The following LETM1 variants were observed in gnomAD, a reference collection of about 807,000 sequenced individuals.
LETM1 encodes the protein mitochondrial proton/calcium exchanger protein.
LETM1 carries 50 observed loss-of-function variants against 74.5 expected under a neutral mutation model. That is an observed-to-expected ratio of 0.67 (90% CI 0.53 to 0.85). The LOEUF is 0.85. Ranked by LOEUF, LETM1 falls within the 40% of genes least tolerant of loss-of-function variation. The pLI is 0.00. For missense variants in LETM1, 824 were observed against 967.8 expected (o/e 0.85, Z 1.97); for synonymous variants, 446 against 407.1 (o/e 1.10, Z -1.15).
rs535970886 is a variant in LETM1, at chr4:1,816,796, C to T, written c.1862G>A (p.Gly621Asp). ...RVQQMIGQIDGLISQLEMDQQ... is the reference protein window; with the variant it reads ...RVQQMIGQIDDLISQLEMDQQ... ...GTCCATCTCCAGCTGCGAGATCAAG[C>T]CATCGATCTGCCCGATCATTTGCTG... The change falls in exon 12 of 14, where the codon GGC becomes GAC. Residue 621 changes from glycine to aspartate, a missense_variant. Around this residue, in one of 4 missense-constraint regions of LETM1, gnomAD observed 161 missense variants for 252.7 expected, o/e 0.64. Coordinates refer to ENST00000302787, the MANE Select transcript of LETM1 (RefSeq NM_012318.3). 2 of 1,614,250 alleles carry T rather than the reference C, an allele frequency of 1.2e-6. No individual in the cohort carries two copies. The highest frequency in any genetic ancestry group is 1.1e-5 in the South Asian group (1 of 91,088).
intron 5 of LETM1, 117 bp from the exon 6 acceptor site, chr4:1,833,064 C>A (rs1202676447): frequency 3.7e-6 from 3 of 813,056 alleles, no homozygotes; most frequent in Non-Finnish European, 4.0e-6. Context: ...AAACCACTGA[C>A]TACTTCTTCT....
chr4:1,840,770 C>T (rs995664021), intron 3 of LETM1, among the ~76,000 whole-genome samples: 2 of 151,644 alleles, frequency 1.3e-5, no homozygotes, highest in African/African-American at 2.4e-5. Context: ...TCAGAAGTTC[C>T]GAGAGGCCTG....
At chr4:1,852,200 G>T (rs1044047666) in intron 1 of LETM1, among the ~76,000 whole-genome samples, 4 of 152,210 alleles carry the variant, frequency 2.6e-5, no homozygotes, top group African/African-American at 7.2e-5. Context: ...AACTTCAGCT[G>T]ACCACACATT....
intron 2 of LETM1, among the ~76,000 whole-genome samples, chr4:1,847,626 C>T (rs1453674263): frequency 3.3e-5 from 5 of 151,872 alleles, no homozygotes; most frequent in Non-Finnish European, 5.9e-5. Flanking sequence ...TTGAGATGAG[C>T]CTGGCTAATG....
intron 2 of LETM1, among the ~76,000 whole-genome samples, chr4:1,842,605 C>T (rs1193676675): frequency 1.3e-5 from 2 of 152,246 alleles, no homozygotes; most frequent in East Asian, 3.9e-4. Flanking sequence ...TTTGCTTTCT[C>T]CCAACTGGAA....
In LETM1 at chr4:1,812,732, C is replaced by G. The variant is rs1438556538; in HGVS notation, c.*1692G>C. 2 of 152,366 alleles carry G rather than the reference C, an allele frequency of 1.3e-5. No homozygotes were observed. The highest frequency in any genetic ancestry group is 4.8e-5 in the African/African-American group (2 of 41,436). The allele number at this position is 152,366 out of a possible 1,614,324, so 9.4% of individuals were successfully genotyped here. On this transcript the variant is annotated 3_prime_UTR_variant, in exon 14 of 14. Coordinates refer to ENST00000302787, the MANE Select transcript of LETM1 (RefSeq NM_012318.3). ...GCACGGCTGATGTCACGGAAGCCACCAAAGGCACCCACCAGAGCCTTCCCC... is the reference window on the plus strand; with the variant it reads ...GCACGGCTGATGTCACGGAAGCCACGAAAGGCACCCACCAGAGCCTTCCCC...
chr4:1,820,059 C>T (rs1270148910), intron 10 of LETM1, among the ~76,000 whole-genome samples: 1 of 152,176 alleles, frequency 6.6e-6, no homozygotes, highest in Non-Finnish European at 1.5e-5. Context: ...GCCTCAGCCT[C>T]CCCAGGAGCT....
intron 2 of LETM1, among the ~76,000 whole-genome samples, chr4:1,847,194 T>C (rs2108855264): frequency 6.6e-6 from 1 of 151,816 alleles, no homozygotes; most frequent in East Asian, 1.9e-4. Context: ...GAAAAAAATT[T>C]AGCAAGGCAT....
intron 13 of LETM1, 125 bp downstream of exon 13, chr4:1,815,539 C>T (rs1047803750): frequency 1.1e-5 from 11 of 1,015,568 alleles, no homozygotes; most frequent in Non-Finnish European, 1.6e-5. Flanking sequence ...AGTGACAGAC[C>T]CAAACCCCTG....
In LETM1 at chr4:1,834,065, C is replaced by T. The variant is rs1033948111; in HGVS notation, c.876+780G>A. 6.6e-6 allele frequency: 1 copy of T among 152,354 alleles called. No homozygotes were observed. Among genetic ancestry groups the T allele is most frequent in the African/African-American group, 2.4e-5 (1 of 41,478 alleles). The allele number at this position is 152,354 out of a possible 1,614,324, so 9.4% of individuals were successfully genotyped here. ...GGCTGTGTCGCCTCCTCCCGAGAGG[C>T]TTCTCCGTGGTTAGGCCTCAGCCTG... On this transcript the variant is annotated intron_variant, in intron 5 of 13. Transcript: ENST00000302787. This position sits in a 1 kb window ranked among gnomAD's most constrained non-coding sequence, Gnocchi z 5.0.
In LETM1 at chr4:1,834,364, CCTCA is replaced by C. The variant is rs1364126034; in HGVS notation, c.876+477_876+480del. ...GGCAGCTGCCGTCTCCCCATCCTCA[CCTCA>C]CTCACCACATGACCGCAGGAAACCT... is the stretch of plus-strand genomic sequence containing the variant. On this transcript the variant is annotated intron_variant, in intron 5 of 13. Transcript: ENST00000302787. This position sits in a 1 kb window ranked among gnomAD's most constrained non-coding sequence, Gnocchi z 5.0. 1 of 988,372 alleles carries C rather than the reference CCTCA, an allele frequency of 1.0e-6. No individual in the cohort carries two copies. The allele number at this position is 988,372 out of a possible 1,614,324, so 61.2% of individuals were successfully genotyped here.
intron 6 of LETM1, among the ~76,000 whole-genome samples, chr4:1,832,080 C>T (rs911362739): frequency 4.6e-5 from 7 of 152,110 alleles, no homozygotes; most frequent in African/African-American, 9.7e-5. Context: ...GTGGGCAGAT[C>T]GCTTGAGGTC....
Position 1,813,773 on chromosome 4 carries a change from T to C in LETM1, c.*651A>G, listed in dbSNP as rs993237478. 1 of 152,514 alleles carries C rather than the reference T, an allele frequency of 6.6e-6. No individual in the cohort carries two copies. Among genetic ancestry groups the C allele is most frequent in the Non-Finnish European group, 1.5e-5 (1 of 68,528 alleles). 9.4% of individuals were successfully genotyped at this position (152,514 alleles called of 1,614,324 possible). On this transcript the variant is annotated 3_prime_UTR_variant, in exon 14 of 14. Transcript: ENST00000302787. ...TGACTGCTTAAAGAACTGGGGGAAA[T>C]AGAAAGCCGAGAAAGAGCTCCGATA...
chr4:1,827,721 TCAATC>T (rs1712048266), intron 6 of LETM1, among the ~76,000 whole-genome samples: 1 of 146,020 alleles, frequency 6.8e-6, no homozygotes, highest in South Asian at 2.2e-4. Context: ...ATCCGATTTC[TCAATC>T]TTTTCCCCAC....
chr4:1,823,187 G>A (rs747459431), intron 8 of LETM1, 56 bp from the exon 9 acceptor site: 60 of 1,523,718 alleles, frequency 3.9e-5, no homozygotes, highest in Admixed American at 1.2e-4. Flanking sequence ...GGCCCCTGCT[G>A]CCCCTCACCT....
chr4:1,820,284 G>T (rs1043298984), intron 10 of LETM1, among the ~76,000 whole-genome samples: 1 of 152,094 alleles, frequency 6.6e-6, no homozygotes, highest in African/African-American at 2.4e-5. Flanking sequence ...GTACTCCGTG[G>T]ACAGCACTTG....
At chr4:1,822,388 C>T (rs1711813770) in intron 9 of LETM1, 76 bp from the exon 10 acceptor site, 1 of 1,337,358 alleles carries the variant, frequency 7.5e-7, no homozygotes, top group African/African-American at 1.5e-5. Context: ...AAGCTCAGAA[C>T]ATATGGCAGA....
chr4:1,815,865 C>G (rs1245458184), intron 12 of LETM1, 63 bp from the exon 13 acceptor site: 2 of 1,590,558 alleles, frequency 1.3e-6, no homozygotes, highest in Admixed American at 3.4e-5. Flanking sequence ...GCCTCACTGC[C>G]CACACCTGTG....
intron 6 of LETM1, among the ~76,000 whole-genome samples, chr4:1,832,227 A>T (rs1286017712): frequency 6.6e-6 from 1 of 152,084 alleles, no homozygotes; most frequent in African/African-American, 2.4e-5. Context: ...GCTTGAACCC[A>T]GGAGGCAGAG....
Sources: allele counts gnomAD v4.1 joint callset (sites outside exome capture counted in the v4.1 genomes callset), GRCh38; gene constraint gnomAD v4.1.1; regional missense constraint gnomAD v4.1.1; non-coding constraint Gnocchi (gnomAD v3.1); transcripts MANE v1.5; gene names NCBI Gene and HGNC (gene_info 2026-07-23, HGNC 2026-07-21).